Variants in CDH18 observed in about 807,000 individuals in gnomAD.
CDH18 encodes cadherin 18, also known as cadherin-18.
Under a neutral mutation model 67.9 loss-of-function variants are expected in CDH18, and 31 were observed. The ratio of observed to expected loss-of-function variants is 0.46; its 90% CI spans 0.34 to 0.62. The LOEUF (loss-of-function observed/expected upper bound fraction) is 0.62. Ranked by LOEUF, CDH18 falls within the 20% of genes least tolerant of loss-of-function variation. The probability of loss-of-function intolerance (pLI) is 0.01; values close to 1 mark genes in which losing one functional copy is unlikely to be tolerated. For synonymous variants in CDH18, 362 were observed against 347.2 expected (o/e 1.04, Z -0.48); for missense variants, 890 against 975.5 (o/e 0.91, Z 1.17).
intron 11 of CDH18, among the ~76,000 whole-genome samples, chr5:19,500,822 A>G (rs1221891539): frequency 1.1e-4 from 16 of 152,074 alleles, no homozygotes; most frequent in Admixed American, 1.1e-3. Flanking sequence ...TTTAATTAAG[A>G]CATTTCAAAT....
intron 1 of CDH18, among the ~76,000 whole-genome samples, chr5:20,552,188 A>G (rs1440979663): frequency 6.6e-6 from 1 of 151,728 alleles, no homozygotes; most frequent in African/African-American, 2.4e-5. Context: ...AAAAAAAAAA[A>G]GCATTCAGGT....
Position 19,530,499 on chromosome 5 carries a change from T to C in CDH18, c.1391-9721A>G, listed in dbSNP as rs533805423. On this transcript the variant is annotated intron_variant, in intron 9 of 12. Transcript: ENST00000382275. ...GCACAATGTGCAGGTTTGTTACATA[T>C]GTATACATGTGCCATGTTGGTGTGC... Among the ~76,000 whole-genome samples, 7 of 152,298 alleles carry C rather than the reference T, an allele frequency of 4.6e-5. No homozygotes were observed. In the South Asian group the frequency reaches 1.4e-3, roughly 32 times the overall value.
intron 2 of CDH18, among the ~76,000 whole-genome samples, chr5:19,867,783 T>C (rs1581711816): frequency 6.6e-6 from 1 of 152,214 alleles, no homozygotes; most frequent in Admixed American, 6.5e-5. Context: ...CATATTATTA[T>C]AATTATGTGA....
At chr5:20,239,947 A>T (rs961681505) in intron 2 of CDH18, among the ~76,000 whole-genome samples, 1 of 152,140 alleles carries the variant, frequency 6.6e-6, no homozygotes, top group African/African-American at 2.4e-5. Flanking sequence ...TCCGAAAAGG[A>T]AAATTTACTA....
chr5:19,558,110 A>C (rs1738770831), intron 8 of CDH18, among the ~76,000 whole-genome samples: 1 of 152,138 alleles, frequency 6.6e-6, no homozygotes, highest in Non-Finnish European at 1.5e-5. Flanking sequence ...CAATAGTGAC[A>C]TGACCTATCA....
At chr5:20,095,392 G>GAAAGAAAGA (rs1745839859) in intron 2 of CDH18, among the ~76,000 whole-genome samples, 1 of 64,126 alleles carries the variant, frequency 1.6e-5, no homozygotes, top group Non-Finnish European at 3.0e-5. Flanking sequence ...AAGAGAAACA[G>GAAAGAAAGA]AAGAAAGAAA....
chr5:20,280,655 C>T (rs1746185442), intron 1 of CDH18, among the ~76,000 whole-genome samples: 1 of 152,140 alleles, frequency 6.6e-6, no homozygotes, highest in South Asian at 2.1e-4. Flanking sequence ...GTGAATAGTG[C>T]CACAATAAAC....
rs1197493916 is a variant in CDH18 at position 20,426,506 on chromosome 5, A to C, written c.-580+148956T>G. Reference sequence around the variant, plus strand: ...AAAAACTTTTTAAAAGAAACAAAAAAAACTTTCTGGAGCTTTCCACTTTTT... The same window carrying C: ...AAAAACTTTTTAAAAGAAACAAAAACAACTTTCTGGAGCTTTCCACTTTTT... On this transcript the variant is annotated intron_variant, in intron 1 of 14. Coordinates refer to the CDH18 transcript ENST00000507958. 5.3e-5 allele frequency among the ~76,000 whole-genome samples: 8 copies of C among 151,326 alleles called. No individual in the cohort carries two copies. The South Asian group carries it at 1.4e-3, about 27-fold the overall frequency.
intron 1 of CDH18, among the ~76,000 whole-genome samples, chr5:20,400,038 T>C (rs1357211874): frequency 6.6e-6 from 1 of 152,188 alleles, no homozygotes. Context: ...GCCTACAATG[T>C]ATTTATCATA....
chr5:20,259,137 G>A (rs1038155868), intron 1 of CDH18, among the ~76,000 whole-genome samples: 3 of 152,138 alleles, frequency 2.0e-5, no homozygotes, highest in Non-Finnish European at 4.4e-5. Context: ...AGAAGCACAA[G>A]AGTGAAAGTC....
intron 2 of CDH18, among the ~76,000 whole-genome samples, chr5:20,041,368 C>A (rs949115444): frequency 6.6e-6 from 1 of 152,182 alleles, no homozygotes; most frequent in African/African-American, 2.4e-5. Flanking sequence ...ACTTGATTTA[C>A]AAATCAGACC....
In CDH18 at chr5:20,443,207, C is replaced by CTCAAAAAAAAAAAAAAA. The variant is rs1491460573; in HGVS notation, c.-580+132254_-580+132255insTTTTTTTTTTTTTTTGA. 4.7e-4 allele frequency among the ~76,000 whole-genome samples: 12 copies of CTCAAAAAAAAAAAAAAA among 25,374 alleles called. 1 individual carries two copies. Among genetic ancestry groups the CTCAAAAAAAAAAAAAAA allele is most frequent in the African/African-American group, 1.4e-3 (10 of 6,976 alleles). 16.6% of individuals were successfully genotyped at this position (25,374 alleles called of 152,430 possible). On this transcript the variant is annotated intron_variant, in intron 1 of 14. Coordinates refer to the CDH18 transcript ENST00000507958. ...CCTGGGTGATAGAGCGAGACTCCGT[C>CTCAAAAAAAAAAAAAAA]ACAAAAAAAAAAAAAAAAAAAAAAG... is the stretch of plus-strand genomic sequence containing the variant.
At chr5:20,416,430 C>T (rs1278744108) in intron 1 of CDH18, among the ~76,000 whole-genome samples, 1 of 151,896 alleles carries the variant, frequency 6.6e-6, no homozygotes, top group Non-Finnish European at 1.5e-5. Flanking sequence ...AATGAAAATG[C>T]ATCATAATAA....
chr5:20,136,497 G>A (rs1749726072), intron 2 of CDH18, among the ~76,000 whole-genome samples: 1 of 152,104 alleles, frequency 6.6e-6, no homozygotes, highest in African/African-American at 2.4e-5. Flanking sequence ...CATGTGAGAT[G>A]GGTCTCCTGA....
chr5:20,310,638 G>A (rs1173834532), intron 1 of CDH18, among the ~76,000 whole-genome samples: 4 of 152,102 alleles, frequency 2.6e-5, no homozygotes, highest in Admixed American at 6.6e-5. Context: ...GGGTCTGACC[G>A]GTGTAAGTGT....
In CDH18 at chr5:19,663,493, A is replaced by C. The variant is rs112088259; in HGVS notation, c.644-50892T>G. Among the ~76,000 whole-genome samples the C allele has an allele frequency of 8.5e-3, 1,300 of 152,052 alleles. 9 individuals are homozygous for C. Among genetic ancestry groups the C allele is most frequent in the African/African-American group, 0.019 (789 of 41,540 alleles). On this transcript the variant is annotated intron_variant, in intron 5 of 12. Transcript: ENST00000382275. ...TTTTTAGCTTGCTAGAGAAGACCTG[A>C]AGGCAATTTTAAGTTAATACTCTTC... is the stretch of plus-strand genomic sequence containing the variant.
intron 2 of CDH18, among the ~76,000 whole-genome samples, chr5:19,924,214 G>A (rs560617738): frequency 6.6e-6 from 1 of 152,248 alleles, no homozygotes; most frequent in South Asian, 2.1e-4. Context: ...TGCTCCTTTG[G>A]CACAGAAATC....
intron 2 of CDH18, among the ~76,000 whole-genome samples, chr5:20,161,996 AC>A (rs1231239099): frequency 3.3e-5 from 5 of 151,952 alleles, no homozygotes; most frequent in Non-Finnish European, 5.9e-5. Context: ...TTTTTCTTGG[AC>A]CAGCAAGAGA....
intron 1 of CDH18, among the ~76,000 whole-genome samples, chr5:20,538,107 T>A (rs1055520191): frequency 6.6e-6 from 1 of 152,090 alleles, no homozygotes; most frequent in Non-Finnish European, 1.5e-5. Flanking sequence ...AAGAGGGAAG[T>A]GCAGAGACAC....
Sources: allele counts gnomAD v4.1 joint callset (sites outside exome capture counted in the v4.1 genomes callset), GRCh38; gene constraint gnomAD v4.1.1; transcripts MANE v1.5; gene names NCBI Gene and HGNC (gene_info 2026-07-23, HGNC 2026-07-21).